The following DIP2C variants were observed in gnomAD, a reference collection of about 807,000 sequenced individuals.
DIP2C encodes disco-interacting protein 2 homolog C.
A neutral mutation model predicts 192.4 loss-of-function variants in DIP2C; 33 were observed. That is an observed-to-expected ratio of 0.17 (90% CI 0.13 to 0.23). The LOEUF is 0.23. Ranked by LOEUF, DIP2C falls within the 10% of genes least tolerant of loss-of-function variation. The probability of loss-of-function intolerance (pLI) is 1.00; values close to 1 mark genes in which losing one functional copy is unlikely to be tolerated. For missense variants in DIP2C, 1,537 were observed against 2,110.1 expected (o/e 0.73, Z 5.32); for synonymous variants, 979 against 864.1 (o/e 1.13, Z -2.33).
chr10:463,966 C>A (rs1393344247), intron 3 of DIP2C, among the ~76,000 whole-genome samples: 7 of 152,158 alleles, frequency 4.6e-5, no homozygotes, highest in Non-Finnish European at 1.5e-5. Context: ...AACTGGACCC[C>A]TTCTGTACAC....
At chr10:377,022 T>C (rs1163564538) in intron 17 of DIP2C, among the ~76,000 whole-genome samples, 1 of 152,148 alleles carries the variant, frequency 6.6e-6, no homozygotes, top group Non-Finnish European at 1.5e-5. Context: ...TAATGTAATA[T>C]TCTTCCTTTT....
chr10:529,344 C>T (rs1469900248), intron 1 of DIP2C, among the ~76,000 whole-genome samples: 3 of 138,904 alleles, frequency 2.2e-5, no homozygotes, highest in African/African-American at 6.4e-5. Context: ...TAGAAGGCAG[C>T]GGCTGTAATT....
chr10:625,744 T>C (rs970950845), intron 1 of DIP2C, among the ~76,000 whole-genome samples: 1 of 152,216 alleles, frequency 6.6e-6, no homozygotes, highest in Non-Finnish European at 1.5e-5. Context: ...TGCGTGAACC[T>C]TTCTGACTAC....
At chr10:496,154 G>T (rs1166988217) in intron 1 of DIP2C, among the ~76,000 whole-genome samples, 61 of 141,282 alleles carry the variant, frequency 4.3e-4, no homozygotes, top group African/African-American at 1.4e-3. Context: ...AACGTTGAGT[G>T]CTGAGTGCAC....
intron 1 of DIP2C, among the ~76,000 whole-genome samples, chr10:610,526 G>A (rs1159250012): frequency 1.3e-5 from 2 of 152,230 alleles, no homozygotes; most frequent in Non-Finnish European, 2.9e-5. Context: ...ATATAGGGAC[G>A]TATCAAGGTA....
At chr10:575,742 A>G (rs1850109807) in intron 1 of DIP2C, among the ~76,000 whole-genome samples, 1 of 152,222 alleles carries the variant, frequency 6.6e-6, no homozygotes, top group East Asian at 1.9e-4. Context: ...GGCAAGCTAC[A>G]GCAGCCTCCA....
intron 1 of DIP2C, among the ~76,000 whole-genome samples, chr10:547,748 C>T (rs149809189): frequency 1.3e-3 from 197 of 152,236 alleles, no homozygotes; most frequent in Admixed American, 3.2e-3. Context: ...ATCCTCAAAT[C>T]ATCTCTCAGT....
chr10:573,757 T>C (rs987604289), intron 1 of DIP2C, among the ~76,000 whole-genome samples: 9 of 152,038 alleles, frequency 5.9e-5, no homozygotes, highest in Admixed American at 5.9e-4. Flanking sequence ...CAGAGTCTTG[T>C]AGGTACTTAA....
chr10:284,862 C>G (rs944813684), intron 34 of DIP2C, among the ~76,000 whole-genome samples: 1 of 152,114 alleles, frequency 6.6e-6, no homozygotes, highest in Non-Finnish European at 1.5e-5. Context: ...ATAACTTTCT[C>G]AATTAACCTC....
chr10:359,389 G>C (rs376648353), intron 22 of DIP2C, among the ~76,000 whole-genome samples: 1 of 152,198 alleles, frequency 6.6e-6, no homozygotes, highest in South Asian at 2.1e-4. Flanking sequence ...GGAGGAGAAC[G>C]GTCTATGAGC....
chr10:486,560 T>A, intron 1 of DIP2C, 30 bp from the exon 2 acceptor site: 1 of 1,580,976 alleles, frequency 6.3e-7, no homozygotes. Context: ...AAGTTCAGTA[T>A]GGTCTCCGTG....
At chr10:292,596 T>TG (rs1955545719) in intron 32 of DIP2C, among the ~76,000 whole-genome samples, 1 of 152,212 alleles carries the variant, frequency 6.6e-6, no homozygotes, top group Non-Finnish European at 1.5e-5. Context: ...GCTGAAGCCC[T>TG]GATGGCGCCG....
At chr10:451,789 T>C (rs1464606238) in intron 3 of DIP2C, among the ~76,000 whole-genome samples, 1 of 152,106 alleles carries the variant, frequency 6.6e-6, no homozygotes, top group Non-Finnish European at 1.5e-5. Flanking sequence ...CACACCACCC[T>C]CTAACACAAA....
intron 10 of DIP2C, 38 bp from the exon 11 acceptor site, chr10:390,901 C>A (rs200389201): frequency 2.5e-6 from 4 of 1,608,048 alleles, no homozygotes; most frequent in Middle Eastern, 1.7e-4. Context: ...AATCCACGAC[C>A]TGCCCCACTC....
intron 1 of DIP2C, among the ~76,000 whole-genome samples, chr10:575,344 A>C (rs1850084824): frequency 6.6e-6 from 1 of 152,192 alleles, no homozygotes; most frequent in African/African-American, 2.4e-5. Context: ...CATTAACTGA[A>C]GTTTTCAAAT....
At chr10:370,133 G>T in intron 17 of DIP2C, 1 of 773,834 alleles carries the variant, frequency 1.3e-6, no homozygotes, top group Non-Finnish European at 1.6e-6. Flanking sequence ...CTGGGCGTAT[G>T]CCCAATTTTA....
At chr10:545,634 A>ATGCTGTTT (rs1373775277) in intron 1 of DIP2C, among the ~76,000 whole-genome samples, 1 of 152,228 alleles carries the variant, frequency 6.6e-6, no homozygotes, top group East Asian at 1.9e-4. Flanking sequence ...AGAACAAAGG[A>ATGCTGTTT]AATAAGATGC....
chr10:388,491 T>G (rs1026384862), intron 13 of DIP2C, among the ~76,000 whole-genome samples: 2 of 152,154 alleles, frequency 1.3e-5, no homozygotes, highest in African/African-American at 4.8e-5. Context: ...GTGTGGAGGA[T>G]AATAGACAGG....
chr10:503,636 T>A (rs1029943620), intron 1 of DIP2C, among the ~76,000 whole-genome samples: 3 of 152,194 alleles, frequency 2.0e-5, no homozygotes, highest in African/African-American at 7.2e-5. Context: ...GCTTCCACCC[T>A]GAGAGGGAAG....
Sources: allele counts gnomAD v4.1 joint callset (sites outside exome capture counted in the v4.1 genomes callset), GRCh38; gene constraint gnomAD v4.1.1; transcripts MANE v1.5; gene names NCBI Gene and HGNC (gene_info 2026-07-23, HGNC 2026-07-21).